Variants in DACH1 observed in about 807,000 individuals in gnomAD.
DACH1 encodes the protein dachshund family transcription factor 1, also known as dachshund homolog 1.
Under a neutral mutation model 54.2 loss-of-function variants are expected in DACH1, and 12 were observed. The ratio of observed to expected loss-of-function variants is 0.22; its 90% CI spans 0.14 to 0.36. The LOEUF is 0.36. Ranked by LOEUF, DACH1 falls within the 10% of genes least tolerant of loss-of-function variation. The pLI is 1.00. For synonymous variants in DACH1, 386 were observed against 366.2 expected (o/e 1.05, Z -0.62); for missense variants, 805 against 929.8 (o/e 0.87, Z 1.75).
intron 2 of DACH1, among the ~76,000 whole-genome samples, chr13:71,657,393 G>A (rs537672277): frequency 6.6e-6 from 1 of 152,106 alleles, no homozygotes; most frequent in African/African-American, 2.4e-5. Context: ...TAGGGAGGCT[G>A]AGATGGGAGG....
At chr13:71,486,388 CA>C (rs982608764) in intron 7 of DACH1, among the ~76,000 whole-genome samples, 2 of 151,992 alleles carry the variant, frequency 1.3e-5, no homozygotes, top group Non-Finnish European at 2.9e-5. Context: ...TGTAATTACC[CA>C]TATTAGAATT....
At chr13:71,542,503 T>C (rs1421804125) in intron 6 of DACH1, among the ~76,000 whole-genome samples, 1 of 152,134 alleles carries the variant, frequency 6.6e-6, no homozygotes, top group African/African-American at 2.4e-5. Flanking sequence ...CATGTGTCGA[T>C]AGCTGACTTT....
chr13:71,540,323 T>C (rs1883052166), intron 6 of DACH1, among the ~76,000 whole-genome samples: 1 of 152,106 alleles, frequency 6.6e-6, no homozygotes, highest in South Asian at 2.1e-4. Flanking sequence ...CAATAATGCA[T>C]TATTAAATTC....
chr13:71,572,710 T>G (rs929737680), intron 4 of DACH1, 130 bp downstream of exon 4: 2 of 1,008,396 alleles, frequency 2.0e-6, no homozygotes, highest in Non-Finnish European at 2.8e-6. Context: ...ACAAGTGATT[T>G]TTTTTAATAG....
intron 1 of DACH1, among the ~76,000 whole-genome samples, chr13:71,741,522 T>C (rs1884388510): frequency 6.6e-6 from 1 of 152,160 alleles, no homozygotes; most frequent in Non-Finnish European, 1.5e-5. Context: ...TTATTTAGTA[T>C]TGTATTTTTA....
At chr13:71,493,125 T>C (rs1879129113) in intron 6 of DACH1, among the ~76,000 whole-genome samples, 1 of 152,030 alleles carries the variant, frequency 6.6e-6, no homozygotes, top group African/African-American at 2.4e-5. Flanking sequence ...TGTCTGGTCC[T>C]TTTCTCTTGA....
At position 71,558,425 on chromosome 13, in the gene DACH1, T is replaced by C. The variant is rs138700871; in HGVS notation, c.1436-1267A>G. ...CATACAAAAATGTCTCCTTTGTTTC[T>C]ATCAAAAATTGAAAAAAGAATATTA... On this transcript the variant is annotated intron_variant, in intron 5 of 10. Transcript: ENST00000613252. 5.6e-3 allele frequency among the ~76,000 whole-genome samples: 856 copies of C among 152,120 alleles called. 10 individuals are homozygous for C. Among genetic ancestry groups the C allele is most frequent in the African/African-American group, 0.019 (771 of 41,562 alleles).
chr13:71,509,900 T>C (rs1880635591), intron 6 of DACH1, among the ~76,000 whole-genome samples: 1 of 152,148 alleles, frequency 6.6e-6, no homozygotes, highest in African/African-American at 2.4e-5. Flanking sequence ...TGTTATCTTA[T>C]CTTTTCCTCA....
chr13:71,681,223 C>A (rs1170742933), intron 2 of DACH1, among the ~76,000 whole-genome samples: 1 of 152,066 alleles, frequency 6.6e-6, no homozygotes, highest in Non-Finnish European at 1.5e-5. Context: ...TATGAAATTT[C>A]TTTATGGTAT....
At chr13:71,491,926 T>G (rs1879014920) in intron 6 of DACH1, among the ~76,000 whole-genome samples, 1 of 152,190 alleles carries the variant, frequency 6.6e-6, no homozygotes, top group South Asian at 2.1e-4. Context: ...TAATCTCCAC[T>G]GACTTCAAAG....
intron 3 of DACH1, among the ~76,000 whole-genome samples, chr13:71,589,660 G>A (rs1000348391): frequency 1.3e-5 from 2 of 151,730 alleles, no homozygotes; most frequent in Non-Finnish European, 1.5e-5. Flanking sequence ...TGATATTGAC[G>A]TTTTGATTCA....
At chr13:71,746,153 G>A (rs2137961326) in intron 1 of DACH1, among the ~76,000 whole-genome samples, 1 of 152,318 alleles carries the variant, frequency 6.6e-6, no homozygotes, top group East Asian at 1.9e-4. Context: ...GGGAGGCAGA[G>A]GTTGCGCTGA....
intron 3 of DACH1, among the ~76,000 whole-genome samples, chr13:71,620,829 G>T (rs1876179098): frequency 1.3e-5 from 2 of 151,742 alleles, no homozygotes; most frequent in Admixed American, 1.3e-4. Flanking sequence ...TTTCTCCAAA[G>T]ATCATAATCT....
chr13:71,729,982 T>C (rs1883662741), intron 1 of DACH1, among the ~76,000 whole-genome samples: 1 of 152,060 alleles, frequency 6.6e-6, no homozygotes, highest in South Asian at 2.1e-4. Flanking sequence ...TAACAAGTTA[T>C]TCTGTATATA....
rs557647522 is a variant in DACH1, at chr13:71,439,520, C to T, written c.*1135G>A. 9.2e-5 allele frequency: 14 copies of T among 152,476 alleles called. No individual in the cohort carries two copies. The highest frequency in any genetic ancestry group is 1.9e-4 in the African/African-American group (8 of 41,536). The allele number at this position is 152,476 out of a possible 1,614,324, so 9.4% of individuals were successfully genotyped here. The stretch of plus-strand genomic sequence containing the variant: ...TTTCAGCAACATTAACATAATATGA[C>T]GTTAACATATAAAAATATTTCTGGT... On this transcript the variant is annotated 3_prime_UTR_variant, in exon 11 of 11. Transcript: ENST00000613252.
At chr13:71,478,926 A>G (rs1362784791) in intron 8 of DACH1, among the ~76,000 whole-genome samples, 1 of 152,186 alleles carries the variant, frequency 6.6e-6, no homozygotes, top group Non-Finnish European at 1.5e-5. Flanking sequence ...TCAACAATCA[A>G]TAAAAGTTAT....
intron 3 of DACH1, among the ~76,000 whole-genome samples, chr13:71,605,255 A>G (rs1874788311): frequency 6.6e-6 from 1 of 151,930 alleles, no homozygotes; most frequent in South Asian, 2.1e-4. Context: ...TTTTTTAAAT[A>G]TTAAACTTAC....
At chr13:71,478,928 A>G (rs1179057266) in intron 8 of DACH1, among the ~76,000 whole-genome samples, 3 of 152,162 alleles carry the variant, frequency 2.0e-5, no homozygotes, top group Non-Finnish European at 4.4e-5. Flanking sequence ...AACAATCAAT[A>G]AAAGTTATAT....
chr13:71,748,819 A>G (rs1416211302), intron 1 of DACH1, among the ~76,000 whole-genome samples: 2 of 151,522 alleles, frequency 1.3e-5, no homozygotes, highest in Non-Finnish European at 2.9e-5. Flanking sequence ...TCTCTATGTT[A>G]CCTGAAATAT....
Sources: gnomAD v4.1 joint callset for allele counts (sites outside exome capture counted in the v4.1 genomes callset) on GRCh38, gnomAD v4.1.1 for gene constraint, MANE v1.5 for transcripts, NCBI Gene and HGNC (gene_info 2026-07-23, HGNC 2026-07-21) for gene names.